STEEP1: variants seen among roughly 807,000 people sequenced by gnomAD.
The protein encoded by STEEP1 is STING1 ER exit protein 1.
Under a neutral mutation model 19.2 loss-of-function variants are expected in STEEP1, and 3 were observed. The observed-to-expected ratio is 0.16, with a 90% confidence interval of 0.07 to 0.40. The LOEUF (loss-of-function observed/expected upper bound fraction) is 0.40, where lower values mean the gene tolerates loss of function less well. STEEP1 is among the 10% of genes least tolerant of loss of function. STEEP1 has a pLI of 0.99. For synonymous variants in STEEP1, 46 were observed against 63.7 expected, an observed-to-expected ratio of 0.72 and a Z score of 1.32; for missense variants, 54 against 177.1, an observed-to-expected ratio of 0.30 and a Z score of 3.94.
chrX:119,541,316 C>G lies in STEEP1; in HGVS notation c.606+12G>C. The G allele has an allele frequency of 9.1e-7, 1 of 1,093,121 alleles. No individual in the cohort carries two copies. Among genetic ancestry groups the G allele is most frequent in the African/African-American group, 1.8e-5 (1 of 55,698 alleles). The allele number at this position is 1,093,121 out of a possible 1,213,427, so 90.1% of individuals were successfully genotyped here. On this transcript the variant is annotated intron_variant, in intron 6 of 6. Transcript: ENST00000644802. ...ATAGGGCCCCAGCACCTTGCTACCC[C>G]TTGCTACTCACCAGCTCTTGCAGTC...
chrX:119,560,552 C>T (rs764686674), intron 1 of STEEP1, among the ~76,000 whole-genome samples, 167 bp from the exon 2 acceptor site: 2 of 112,378 alleles, frequency 1.8e-5, no homozygotes, highest in Admixed American at 1.9e-4. Flanking sequence ...CTAAAAATGA[C>T]TTGCTATCAG....
intron 1 of STEEP1, among the ~76,000 whole-genome samples, chrX:119,563,840 G>A (rs1251710007): frequency 1.8e-5 from 2 of 112,305 alleles, no homozygotes; most frequent in Non-Finnish European, 3.8e-5. Context: ...AGTCAAGACT[G>A]ATTCCAGGTT....
chrX:119,558,524 G>A (rs750843238), intron 2 of STEEP1, among the ~76,000 whole-genome samples: 1 of 111,370 alleles, frequency 9.0e-6, no homozygotes, highest in African/African-American at 3.3e-5. Flanking sequence ...GTGACAGAGC[G>A]AGACTCCGTC....
chrX:119,545,303 A>AG (rs1378751218), intron 3 of STEEP1, among the ~76,000 whole-genome samples, 160 bp downstream of exon 3: 3 of 106,907 alleles, frequency 2.8e-5, no homozygotes, highest in Non-Finnish European at 5.8e-5. Flanking sequence ...AGGTGACCTG[A>AG]GATTGCACCA....
chrX:119,543,839 T>A (rs1447106504), intron 4 of STEEP1, among the ~76,000 whole-genome samples: 1 of 112,235 alleles, frequency 8.9e-6, no homozygotes, highest in Non-Finnish European at 1.9e-5. Flanking sequence ...AAAAAAAATT[T>A]GTAAAATAAC....
At chrX:119,560,031 AGAGT>A (rs756402353) in intron 2 of STEEP1, among the ~76,000 whole-genome samples, 7 of 111,290 alleles carry the variant, frequency 6.3e-5, no homozygotes, top group Non-Finnish European at 9.4e-5. Flanking sequence ...CCTGAGCAAC[AGAGT>A]GAGTGAGACT....
Position 119,565,253 on chromosome X carries a change from C to T in STEEP1, c.103G>A (p.Gly35Ser). The change falls in exon 1 of 7, where the codon GGC (glycine) becomes AGC (serine). Residue 35 changes from glycine to serine, a missense_variant. Gly to Ser is a moderately conservative substitution (Grantham distance 56). This residue lies in a region of STEEP1 where 47 missense variants were observed against 118.5 expected (regional missense o/e 0.40). Coordinates refer to ENST00000644802, the MANE Select transcript of STEEP1 (RefSeq NM_022101.4). Reference protein sequence around the residue: ...KPLHVYYCLCGQMVLVLDCQL... With the variant: ...KPLHVYYCLCSQMVLVLDCQL... ...TCACCCAGCACTAGGACCATCTGGCCGCACAAACAGTAGTAAACATGGAGG... is the reference window on the plus strand; with the variant it reads ...TCACCCAGCACTAGGACCATCTGGCTGCACAAACAGTAGTAAACATGGAGG... The T allele has an allele frequency of 8.3e-7, 1 of 1,209,372 alleles. No homozygotes were observed. Among genetic ancestry groups the T allele is most frequent in the Non-Finnish European group, 1.1e-6 (1 of 894,092 alleles).
chrX:119,561,072 G>A (rs1309564320), intron 1 of STEEP1, among the ~76,000 whole-genome samples: 1 of 109,933 alleles, frequency 9.1e-6, no homozygotes, highest in Non-Finnish European at 1.9e-5. Context: ...CACTTTGGGA[G>A]GTCAAGACGA....
intron 2 of STEEP1, among the ~76,000 whole-genome samples, chrX:119,551,844 T>C (rs909476037): frequency 7.3e-5 from 8 of 110,014 alleles, no homozygotes; most frequent in Non-Finnish European, 1.3e-4. Context: ...GTTGACGGCT[T>C]GGTCCCCAAG....
At position 119,553,168 on chromosome X, in the gene STEEP1, T is replaced by TAAA. The variant is rs1373779853; in HGVS notation, c.242+7099_242+7100insTTT. Among the ~76,000 whole-genome samples the TAAA allele has an allele frequency of 3.0e-3, 292 of 98,471 alleles. 5 individuals carry two copies. Among genetic ancestry groups the TAAA allele is most frequent in the Non-Finnish European group, 3.3e-3 (166 of 49,559 alleles). 85.5% of individuals were successfully genotyped at this position (98,471 alleles called of 115,157 possible). On this transcript the variant is annotated intron_variant, in intron 2 of 6. Transcript: ENST00000644802. ...GACTGTCTCAAAAAAAAAAAAAAAG[T>TAAA]GGAAAACAGAAACGAAATCTCTGAG...
rs746281553 is a variant in STEEP1 at position 119,560,452 on chromosome X, T to A, written c.125-67A>T. The A allele has an allele frequency of 1.7e-3, 1,226 of 723,134 alleles. 2 individuals are homozygous for A. Among genetic ancestry groups the A allele is most frequent in the Non-Finnish European group, 2.4e-3 (1,122 of 462,405 alleles). The allele number at this position is 723,134 out of a possible 1,213,427, so 59.6% of individuals were successfully genotyped here. ...ATATAGCAAATGAGTCACTGCAAAA[T>A]ATCCTGAGAAGTTTTGAGTGGGATC... On this transcript the variant is annotated intron_variant, in intron 1 of 6. Coordinates refer to ENST00000644802, the MANE Select transcript of STEEP1 (RefSeq NM_022101.4).
rs943326097 is a variant in STEEP1, at chrX:119,551,857, C to A, written c.243-6353G>T. ...AGGTTGACGGCTTGGTCCCCAAGACCGGCCACTAACCAGATACCAGTCGCA... is the reference window on the plus strand; with the variant it reads ...AGGTTGACGGCTTGGTCCCCAAGACAGGCCACTAACCAGATACCAGTCGCA... On this transcript the variant is annotated intron_variant, in intron 2 of 6. Coordinates refer to ENST00000644802, the MANE Select transcript of STEEP1 (RefSeq NM_022101.4). Among the ~76,000 whole-genome samples, 53 of 109,139 alleles carry A rather than the reference C, an allele frequency of 4.9e-4. 1 individual carries two copies. The highest frequency in any genetic ancestry group is 4.4e-3 in the Admixed American group (44 of 10,025). 94.8% of individuals were successfully genotyped at this position (109,139 alleles called of 115,157 possible).
chrX:119,564,506 G>C (rs1177668917), intron 1 of STEEP1, among the ~76,000 whole-genome samples: 1 of 99,385 alleles, frequency 1.0e-5, no homozygotes, highest in African/African-American at 3.6e-5. Flanking sequence ...AAAAAAAAGG[G>C]GGGGGGGAAA....
chrX:119,563,817 C>T (rs1396498238), intron 1 of STEEP1, among the ~76,000 whole-genome samples: 1 of 111,819 alleles, frequency 8.9e-6, no homozygotes, highest in Non-Finnish European at 1.9e-5. Flanking sequence ...ATGTAAGGTA[C>T]GTGACAGACA....
chrX:119,546,277 C>T (rs1466501771), intron 2 of STEEP1, among the ~76,000 whole-genome samples: 1 of 109,114 alleles, frequency 9.2e-6, no homozygotes, highest in Non-Finnish European at 1.9e-5. Flanking sequence ...TCCGTCTCTA[C>T]TAAAAATATA....
intron 1 of STEEP1, among the ~76,000 whole-genome samples, chrX:119,564,389 G>A (rs867024485): frequency 8.8e-4 from 95 of 108,466 alleles, no homozygotes; most frequent in African/African-American, 3.0e-3. Context: ...CCAGCTACTC[G>A]GGAGGCTGAG....
At chrX:119,540,184 T>C (rs891062779) in intron 6 of STEEP1, among the ~76,000 whole-genome samples, 4 of 112,279 alleles carry the variant, frequency 3.6e-5, no homozygotes, top group Non-Finnish European at 7.5e-5. Context: ...TATTTGTTAT[T>C]GGTCCACACA....
intron 4 of STEEP1, among the ~76,000 whole-genome samples, chrX:119,543,595 G>A (rs976942682): frequency 1.8e-5 from 2 of 110,575 alleles, no homozygotes; most frequent in African/African-American, 3.3e-5. Context: ...TGATCCTCCC[G>A]CCTCAGTCTC....
intron 2 of STEEP1, among the ~76,000 whole-genome samples, chrX:119,550,722 G>C (rs140597613): frequency 8.9e-6 from 1 of 111,821 alleles, no homozygotes; most frequent in South Asian, 3.7e-4. Flanking sequence ...ACAGTGGCAC[G>C]ATCTTGGCTG....
Sources: gnomAD v4.1 joint callset for allele counts (sites outside exome capture counted in the v4.1 genomes callset) on GRCh38, gnomAD v4.1.1 for gene constraint, gnomAD v4.1.1 regional missense constraint, MANE v1.5 for transcripts, NCBI Gene and HGNC (gene_info 2026-07-23, HGNC 2026-07-21) for gene names.